The following PALS2 variants were observed in gnomAD, a reference collection of about 807,000 sequenced individuals.
PALS2 encodes protein PALS2.
A neutral mutation model predicts 61.6 loss-of-function variants in PALS2; 27 were observed. The ratio of observed to expected loss-of-function variants is 0.44; its 90% CI spans 0.32 to 0.60. The LOEUF (loss-of-function observed/expected upper bound fraction) is 0.60, where lower values mean the gene tolerates loss of function less well. Ranked by LOEUF, PALS2 falls within the 20% of genes least tolerant of loss-of-function variation. PALS2 has a pLI of 0.05. For synonymous variants in PALS2, 236 were observed against 218.6 expected, an observed-to-expected ratio of 1.08 and a Z score of -0.70; for missense variants, 554 against 639.4, an observed-to-expected ratio of 0.87 and a Z score of 1.44.
At chr7:24,580,951 T>A (rs573939054) in intron 1 of PALS2, among the ~76,000 whole-genome samples, 1 of 152,320 alleles carries the variant, frequency 6.6e-6, no homozygotes, top group South Asian at 2.1e-4. Flanking sequence ...AAAATCTTTT[T>A]ATGATTGTAT....
chr7:24,658,456 C>T (rs1786537124), intron 5 of PALS2, among the ~76,000 whole-genome samples: 1 of 152,072 alleles, frequency 6.6e-6, no homozygotes, highest in Admixed American at 6.5e-5. Context: ...TTTCCTCCCT[C>T]TTTGCGTGCT....
intron 6 of PALS2, 37 bp downstream of exon 6, chr7:24,663,758 C>A (rs1199059183): frequency 6.3e-7 from 1 of 1,575,312 alleles, no homozygotes; most frequent in African/African-American, 1.4e-5. Context: ...AGCTACTTTT[C>A]TAATTTTAAT....
chr7:24,624,260 C>G, intron 2 of PALS2: 1 of 472,590 alleles, frequency 2.1e-6, no homozygotes, highest in Non-Finnish European at 3.3e-6. Context: ...CTGGAGTAAT[C>G]TCTTTAACTC....
At chr7:24,577,462 T>C (rs930229113) in intron 1 of PALS2, among the ~76,000 whole-genome samples, 1 of 152,122 alleles carries the variant, frequency 6.6e-6, no homozygotes, top group African/African-American at 2.4e-5. Flanking sequence ...TTCATAAAGC[T>C]CAAGTTATTT....
intron 1 of PALS2, among the ~76,000 whole-genome samples, chr7:24,603,885 G>C (rs914745778): frequency 2.0e-5 from 3 of 151,978 alleles, no homozygotes; most frequent in African/African-American, 4.8e-5. Context: ...TACTGTTAAG[G>C]GTTCCATATT....
chr7:24,649,745 A>G lies in PALS2; in HGVS notation c.404A>G (p.Lys135Arg). 1 of 1,609,046 alleles carries G rather than the reference A, an allele frequency of 6.2e-7. No homozygotes were observed. The highest frequency in any genetic ancestry group is 8.5e-7 in the Non-Finnish European group (1 of 1,177,700). ...VDAIRILGIH[K>R]RAGEPLGVTF... ...GCCATTCGTATTCTTGGTATTCACAAAAGAGCTGGGGAACCACTGGTGAGT... is the reference window on the plus strand; with the variant it reads ...GCCATTCGTATTCTTGGTATTCACAGAAGAGCTGGGGAACCACTGGTGAGT... The change falls in exon 4 of 12, where the codon AAA becomes AGA. Residue 135 changes from lysine (K) to arginine (R), a missense_variant. Lys to Arg is a conservative substitution (Grantham distance 26). Coordinates refer to ENST00000222644, the MANE Select transcript of PALS2 (RefSeq NM_001303037.2).
At chr7:24,668,696 C>T (rs1787154999) in intron 9 of PALS2, 36 bp downstream of exon 9, 1 of 1,606,062 alleles carries the variant, frequency 6.2e-7, no homozygotes, top group African/African-American at 1.3e-5. Flanking sequence ...ATGCAATTGG[C>T]AGGAAAGAGT....
At chr7:24,631,399 T>C (rs933626104) in intron 2 of PALS2, among the ~76,000 whole-genome samples, 18 of 152,180 alleles carry the variant, frequency 1.2e-4, no homozygotes, top group African/African-American at 4.3e-4. Context: ...AATGTCATGA[T>C]AAAACTTGAA....
rs534026200 is a variant in PALS2, at chr7:24,622,105, G to A, written c.-2-1561G>A. 1.8e-3 allele frequency among the ~76,000 whole-genome samples: 267 copies of A among 152,052 alleles called. 1 individual carries two copies. The highest frequency in any genetic ancestry group is 6.2e-3 in the African/African-American group (258 of 41,512). Reference sequence around the variant, plus strand: ...AAGTTTTGAAATTGAGAAGTGTGAGGTCTCCAACTTTGTTGTTCTTTTTGA... The same window carrying A: ...AAGTTTTGAAATTGAGAAGTGTGAGATCTCCAACTTTGTTGTTCTTTTTGA... On this transcript the variant is annotated intron_variant, in intron 1 of 11. Coordinates refer to ENST00000222644, the MANE Select transcript of PALS2 (RefSeq NM_001303037.2).
chr7:24,670,778 A>G (rs1410769134), intron 9 of PALS2, among the ~76,000 whole-genome samples: 1 of 152,168 alleles, frequency 6.6e-6, no homozygotes, highest in African/African-American at 2.4e-5. Flanking sequence ...GACATTTTAT[A>G]TACTGGAGTT....
chr7:24,617,977 G>C (rs1212550361), intron 1 of PALS2, among the ~76,000 whole-genome samples: 1 of 152,202 alleles, frequency 6.6e-6, no homozygotes, highest in African/African-American at 2.4e-5. Context: ...CTGTTTTTTA[G>C]GTTCTGGGCT....
At chr7:24,586,166 TA>T (rs1358760670) in intron 1 of PALS2, among the ~76,000 whole-genome samples, 1 of 152,090 alleles carries the variant, frequency 6.6e-6, no homozygotes, top group Non-Finnish European at 1.5e-5. Context: ...TTTTTTTTTT[TA>T]ATTGAAGATG....
intron 1 of PALS2, among the ~76,000 whole-genome samples, chr7:24,579,105 A>G (rs1782742637): frequency 6.6e-6 from 1 of 152,238 alleles, no homozygotes; most frequent in Non-Finnish European, 1.5e-5. Context: ...ACCAACCATC[A>G]AGTGGGCAAA....
intron 1 of PALS2, among the ~76,000 whole-genome samples, chr7:24,595,521 A>G (rs1783479248): frequency 7.5e-6 from 1 of 132,774 alleles, no homozygotes; most frequent in African/African-American, 2.9e-5. Flanking sequence ...TATATAATAT[A>G]TATAATATAT....
At chr7:24,686,940 G>A (rs1562669269) in intron 11 of PALS2, among the ~76,000 whole-genome samples, 1 of 152,174 alleles carries the variant, frequency 6.6e-6, no homozygotes. Context: ...TTTGGTGGAG[G>A]ATGGGCAGCA....
intron 9 of PALS2, among the ~76,000 whole-genome samples, chr7:24,672,797 G>T (rs1220348571): frequency 6.6e-6 from 1 of 151,864 alleles, no homozygotes; most frequent in Non-Finnish European, 1.5e-5. Flanking sequence ...TGATTTTTTT[G>T]TGTGGGTTCC....
At chr7:24,665,055 CTTATT>C (rs1351752533) in intron 6 of PALS2, among the ~76,000 whole-genome samples, 1 of 152,122 alleles carries the variant, frequency 6.6e-6, no homozygotes, top group Non-Finnish European at 1.5e-5. Context: ...CTCTTTGGAG[CTTATT>C]TTAAGTTAGC....
intron 1 of PALS2, among the ~76,000 whole-genome samples, chr7:24,617,035 TC>T (rs1784317712): frequency 1.3e-5 from 2 of 152,176 alleles, no homozygotes; most frequent in African/African-American, 4.8e-5. Context: ...CTTCTGGAAC[TC>T]TCATAATGTG....
intron 8 of PALS2, among the ~76,000 whole-genome samples, chr7:24,666,472 A>G (rs957136834): frequency 8.5e-5 from 13 of 152,318 alleles, no homozygotes; most frequent in Middle Eastern, 6.8e-3. Flanking sequence ...GGGCAACTGT[A>G]TCCTGCCATA....
Sources: allele counts gnomAD v4.1 joint callset (sites outside exome capture counted in the v4.1 genomes callset), GRCh38; gene constraint gnomAD v4.1.1; transcripts MANE v1.5; gene names NCBI Gene and HGNC (gene_info 2026-07-23, HGNC 2026-07-21).